PLCH2: variants seen among roughly 807,000 people sequenced by gnomAD.
The protein encoded by PLCH2 is phospholipase C eta 2.
Under a neutral mutation model 134.7 loss-of-function variants are expected in PLCH2, and 98 were observed. That is an observed-to-expected ratio of 0.73 (90% CI 0.62 to 0.86). The LOEUF (loss-of-function observed/expected upper bound fraction) is 0.86, where lower values mean the gene tolerates loss of function less well. Among genes scored for constraint, PLCH2 ranks in the 40% least tolerant of loss-of-function variants. PLCH2 has a pLI of 0.00. For missense variants in PLCH2, 1,994 were observed against 1,986.6 expected, an observed-to-expected ratio of 1.00 and a Z score of -0.07; for synonymous variants, 974 against 827.5, an observed-to-expected ratio of 1.18 and a Z score of -3.04.
chr1:2,436,527 TTCCTCCTTCCTCCC>T (rs1461709848), intron 2 of PLCH2, among the ~76,000 whole-genome samples: 3 of 53,540 alleles, frequency 5.6e-5, no homozygotes, highest in African/African-American at 4.6e-4. Flanking sequence ...CCCTCCTCCT[TTCCTCCTTCCTCCC>T]TCCTCCCTTC....
At position 2,495,493 on chromosome 1, in the gene PLCH2, G is replaced by A. The variant is rs1642835320; in HGVS notation, c.1758G>A (p.Lys586=). Residue 586 remains lysine, a synonymous_variant, in exon 13 of 22, where the codon AAG becomes AAA. Transcript: ENST00000378486. The part of the protein sequence containing the change: ...VVGSFSRRKK[K]GSKLKKAASV... ...CACCTCTGCCCCCCGCACAGAAGAAGGGCAGCAAGCTGAAGAAGGCGGCCA... is the reference window on the plus strand; with the variant it reads ...CACCTCTGCCCCCCGCACAGAAGAAAGGCAGCAAGCTGAAGAAGGCGGCCA... 9 of 1,551,456 alleles carry A rather than the reference G, an allele frequency of 5.8e-6. No individual in the cohort carries two copies. Among genetic ancestry groups the A allele is most frequent in the African/African-American group, 1.4e-5 (1 of 72,998 alleles).
chr1:2,489,946 C>A (rs1642480073), intron 10 of PLCH2, 79 bp downstream of exon 10: 3 of 1,096,438 alleles, frequency 2.7e-6, no homozygotes, highest in South Asian at 1.3e-5. Context: ...GCTGTTGGGG[C>A]GAGTTAGAAA....
At chr1:2,487,093 C>T in intron 6 of PLCH2, 80 bp from the exon 7 acceptor site, 1 of 1,502,036 alleles carries the variant, frequency 6.7e-7, no homozygotes, top group Non-Finnish European at 9.0e-7. Context: ...GTTCTGTGTT[C>T]TGTGTGGCAT....
chr1:2,495,640 C>A, intron 13 of PLCH2, 70 bp downstream of exon 13: 5 of 1,117,398 alleles, frequency 4.5e-6, no homozygotes, highest in Admixed American at 2.5e-5. Context: ...CCCTTCTCTG[C>A]GGTGACCCCA....
In PLCH2 at chr1:2,499,667, A is replaced by T; in HGVS notation, c.2608A>T (p.Met870Leu). 1 of 1,602,196 alleles carries T rather than the reference A, an allele frequency of 6.2e-7. No individual in the cohort carries two copies. The highest frequency in any genetic ancestry group is 8.5e-7 in the Non-Finnish European group (1 of 1,174,914). Residue 870 changes from methionine (M) to leucine (L), a missense_variant, in exon 20 of 22, where the codon ATG (methionine) becomes TTG (leucine). Physicochemically the swap from Met to Leu is conservative, Grantham distance 15. Transcript: ENST00000378486. ...PGYRHVYLEGMEEASIFVHVA... is the reference protein window; with the variant it reads ...PGYRHVYLEGLEEASIFVHVA... ...CTACAGACACGTGTACCTAGAAGGG[A>T]TGGAAGAGGCCTCCATCTTCGTGCA...
chr1:2,473,545 G>A (rs1641447698), upstream of PLCH2, among the ~76,000 whole-genome samples: 1 of 152,216 alleles, frequency 6.6e-6, no homozygotes, highest in South Asian at 2.1e-4. Flanking sequence ...GGACACCAGT[G>A]TGGACACTGG....
At chr1:2,476,097 G>A (rs1432091683), upstream of PLCH2, among the ~76,000 whole-genome samples, 1 of 152,228 alleles carries the variant, frequency 6.6e-6, no homozygotes, top group Non-Finnish European at 1.5e-5. Flanking sequence ...TCCCAGGAGG[G>A]CCCTCCCGTT....
the PLCH2 span, among the ~76,000 whole-genome samples, chr1:2,417,723 C>T: frequency 4.6e-4 from 70 of 152,278 alleles, no homozygotes; most frequent in African/African-American, 1.5e-3. Context: ...GGCACTGCCA[C>T]GCCACCTTCC....
chr1:2,479,964 C>T lies in PLCH2; in HGVS notation c.502C>T (p.Arg168Cys), dbSNP rs772961400. 32 of 1,605,518 alleles carry T rather than the reference C, an allele frequency of 2.0e-5. No individual in the cohort carries two copies. The highest frequency in any genetic ancestry group is 1.4e-4 in the South Asian group (13 of 90,920). ...SDEDSLARRQ[R>C]TRDQWLKQTF... Reference sequence around the variant, plus strand: ...CGAGGACAGCCTGGCTCGCCGCCAGCGCACCAGGGACCAATATCCTTGGGC... The same window carrying T: ...CGAGGACAGCCTGGCTCGCCGCCAGTGCACCAGGGACCAATATCCTTGGGC... Residue 168 changes from arginine to cysteine, a missense_variant, in exon 3 of 22, where the codon CGC becomes TGC. By Grantham distance (180) the Arg-to-Cys change is radical (BLOSUM62 -3). Coordinates refer to ENST00000378486, the MANE Select transcript of PLCH2 (RefSeq NM_014638.4).
chr1:2,503,905 CCCCCACCT>C lies in PLCH2; in HGVS notation c.2960-10_2960-3del. 1.4e-6 allele frequency: 1 copy of C among 707,746 alleles called. No individual in the cohort carries two copies. The highest frequency in any genetic ancestry group is 2.5e-6 in the Non-Finnish European group (1 of 397,836). 43.8% of individuals were successfully genotyped at this position (707,746 alleles called of 1,614,324 possible). ...CTTCTCCCTCTGGCTCTCTCTCACT[CCCCCACCT>C]CCCCACAGACACCCGCCCCCTCTCC... On this transcript the variant is annotated splice_polypyrimidine_tract_variant and intron_variant, in intron 21 of 21. Transcript: ENST00000378486.
chr1:2,475,872 G>A (rs1267885351), upstream of PLCH2, among the ~76,000 whole-genome samples: 1 of 152,178 alleles, frequency 6.6e-6, no homozygotes. Context: ...GGGCGCTGCG[G>A]GGATGAGGTG....
chr1:2,447,121 C>T (rs1639979574), intron 2 of PLCH2, among the ~76,000 whole-genome samples: 1 of 152,214 alleles, frequency 6.6e-6, no homozygotes, highest in South Asian at 2.1e-4. Flanking sequence ...GGAGCAGGCT[C>T]CTCATGCCTG....
upstream of PLCH2, among the ~76,000 whole-genome samples, chr1:2,425,795 T>C (rs1195103700): frequency 6.6e-6 from 1 of 151,850 alleles, no homozygotes; most frequent in Non-Finnish European, 1.5e-5. Context: ...AGTTCTGGGA[T>C]GACAGGAGTG....
At chr1:2,484,944 C>T (rs185654929) in intron 5 of PLCH2, among the ~76,000 whole-genome samples, 1 of 152,270 alleles carries the variant, frequency 6.6e-6, no homozygotes, top group Admixed American at 6.5e-5. Flanking sequence ...ACTGTGAACA[C>T]CCTGCGCCTC....
In PLCH2 at chr1:2,502,249, G is replaced by T; in HGVS notation, c.2799G>T (p.Pro933=). Residue 933 remains proline, a synonymous_variant, in exon 21 of 22, where the codon CCG becomes CCT. Transcript: ENST00000378486. ...QRILRRTASA[P]TKSQKPGRRG... ...TCCTGCGGCGCACGGCCAGCGCCCC[G>T]ACCAAGAGCCAGAAGCCGGGCCGCA... 2 of 1,541,612 alleles carry T rather than the reference G, an allele frequency of 1.3e-6. No individual in the cohort carries two copies. The highest frequency in any genetic ancestry group is 1.4e-5 in the African/African-American group (1 of 72,696).
In PLCH2 at chr1:2,505,424, G is replaced by C. The variant is rs953114863; in HGVS notation, c.*211G>C. On this transcript the variant is annotated 3_prime_UTR_variant, in exon 22 of 22. Transcript: ENST00000378486. ...GCCCACAGGAGGGGCTTCGAGGCTG[G>C]CCCTGCCAGGCAGTTTTCCCGGCGT... 18 of 565,502 alleles carry C rather than the reference G, an allele frequency of 3.2e-5. No individual in the cohort carries two copies. Among genetic ancestry groups the C allele is most frequent in the Non-Finnish European group, 2.2e-5 (7 of 322,438 alleles). The allele number at this position is 565,502 out of a possible 1,614,324, so 35.0% of individuals were successfully genotyped here.
intron 2 of PLCH2, among the ~76,000 whole-genome samples, chr1:2,436,578 C>CTCCTCCCTCCTCCCT (rs1553238990): frequency 2.2e-5 from 3 of 138,838 alleles, no homozygotes; most frequent in Non-Finnish European, 4.7e-5. Context: ...TCCTTCCTCC[C>CTCCTCCCTCCTCCCT]TCCTCCCTCC....
chr1:2,497,078 G>T, intron 15 of PLCH2, 68 bp downstream of exon 15: 1 of 1,467,574 alleles, frequency 6.8e-7, no homozygotes. Context: ...TGAAGCCCAA[G>T]GGGCGAGCAG....
chr1:2,468,183 CCTGAGCTG>C (rs879729640), intron 1 of PLCH2, among the ~76,000 whole-genome samples: 19 of 152,190 alleles, frequency 1.2e-4, no homozygotes, highest in Non-Finnish European at 2.8e-4. Context: ...CAAAGGTGGC[CCTGAGCTG>C]CAGTCAGCAC....
Sources: allele counts gnomAD v4.1 joint callset (sites outside exome capture counted in the v4.1 genomes callset), GRCh38; gene constraint gnomAD v4.1.1; transcripts MANE v1.5; gene names NCBI Gene and HGNC (gene_info 2026-07-23, HGNC 2026-07-21).